The following KCNQ1 variants were observed in gnomAD, a reference collection of about 807,000 sequenced individuals.
KCNQ1 encodes the protein potassium voltage-gated channel subfamily Q member 1.
Under a neutral mutation model 72.4 loss-of-function variants are expected in KCNQ1, and 49 were observed. That is an observed-to-expected ratio of 0.68 (90% CI 0.54 to 0.86). The LOEUF (loss-of-function observed/expected upper bound fraction) is 0.86. KCNQ1 is among the 40% of genes least tolerant of loss of function. The probability of loss-of-function intolerance (pLI) is 0.00; values close to 1 mark genes in which losing one functional copy is unlikely to be tolerated. For missense variants in KCNQ1, 790 were observed against 945.1 expected (o/e 0.84, Z 2.15); for synonymous variants, 450 against 412.6 (o/e 1.09, Z -1.10).
At chr11:2,696,969 A>G (rs1564861545) in intron 11 of KCNQ1, 1 of 393,792 alleles carries the variant, frequency 2.5e-6, no homozygotes, top group Non-Finnish European at 4.5e-6. Context: ...AAGTTCCTTA[A>G]TTTTTTTTTT....
At position 2,621,591 on chromosome 11, in the gene KCNQ1, A is replaced by G; in HGVS notation, c.1393+32737A>G. 5.0e-6 allele frequency: 2 copies of G among 398,310 alleles called. No individual in the cohort carries two copies. The highest frequency in any genetic ancestry group is 4.4e-5 in the Admixed American group (1 of 22,710). The allele number at this position is 398,310 out of a possible 1,614,324, so 24.7% of individuals were successfully genotyped here. ...TGCTATTGGTCTGTTCAGGCTTTCT[A>G]TTCCTGATTTAATCTTAGCAGGTTG... On this transcript the variant is annotated intron_variant, in intron 10 of 15. Coordinates refer to ENST00000155840, the MANE Select transcript of KCNQ1 (RefSeq NM_000218.3). This position sits in a 1 kb window ranked among gnomAD's most constrained non-coding sequence, Gnocchi z 5.7.
At chr11:2,500,787 C>T (rs1261954630) in intron 1 of KCNQ1, among the ~76,000 whole-genome samples, 1 of 149,940 alleles carries the variant, frequency 6.7e-6, no homozygotes, top group African/African-American at 2.5e-5. Context: ...GAAAACCAAA[C>T]ACCACATGTT....
chr11:2,510,057 C>G (rs141172206), intron 1 of KCNQ1, among the ~76,000 whole-genome samples: 1 of 151,936 alleles, frequency 6.6e-6, no homozygotes, highest in Non-Finnish European at 1.5e-5. Flanking sequence ...ATTGCTTGAG[C>G]CTAGGAGTTC....
rs977626438 is a variant in KCNQ1, at chr11:2,677,425, G to A, written c.1514+15344G>A. 10 of 398,474 alleles carry A rather than the reference G, an allele frequency of 2.5e-5. No homozygotes were observed. The highest frequency in any genetic ancestry group is 4.1e-5 in the African/African-American group (2 of 48,632). 24.7% of individuals were successfully genotyped at this position (398,474 alleles called of 1,614,324 possible). On this transcript the variant is annotated intron_variant, in intron 11 of 15. Transcript: ENST00000155840. The surrounding 1 kb of genome is among the most constrained non-coding windows in gnomAD (Gnocchi z 4.5). Reference sequence around the variant, plus strand: ...TAGATAAGCATTTCAGAGGACAGCAGGGGAGATGATAATTGATGCAGGTGG... The same window carrying A: ...TAGATAAGCATTTCAGAGGACAGCAAGGGAGATGATAATTGATGCAGGTGG...
chr11:2,582,253 G>T (rs1228724053), intron 6 of KCNQ1, among the ~76,000 whole-genome samples: 2 of 152,226 alleles, frequency 1.3e-5, no homozygotes, highest in African/African-American at 4.8e-5. Context: ...GTGCACCCCT[G>T]CCCGGGGGTG....
chr11:2,499,117 G>T (rs1846967801), intron 1 of KCNQ1, among the ~76,000 whole-genome samples: 3 of 152,174 alleles, frequency 2.0e-5, no homozygotes, highest in Non-Finnish European at 4.4e-5. Flanking sequence ...AAATCACCCA[G>T]TGTTGATCTC....
chr11:2,610,523 T>TACC (rs1848962826), intron 10 of KCNQ1: 1 of 398,314 alleles, frequency 2.5e-6, no homozygotes, highest in South Asian at 1.3e-4. Context: ...TGCTCCTATT[T>TACC]ACCTCCTTGC....
intron 11 of KCNQ1, chr11:2,681,380 C>G (rs911845155): frequency 5.0e-6 from 2 of 398,404 alleles, no homozygotes; most frequent in African/African-American, 2.1e-5. Flanking sequence ...GAGGATGGCT[C>G]TTGGGGCTGG....
At chr11:2,539,883 G>A (rs915071886) in intron 2 of KCNQ1, among the ~76,000 whole-genome samples, 5 of 152,242 alleles carry the variant, frequency 3.3e-5, no homozygotes, top group South Asian at 2.1e-4. Context: ...CAGGGGAGCC[G>A]GCGGGCCGGG....
intron 11 of KCNQ1, chr11:2,667,215 C>T (rs1850092369): frequency 5.0e-6 from 2 of 398,746 alleles, no homozygotes; most frequent in Non-Finnish European, 8.8e-6. Context: ...GGCCCCCTAA[C>T]CTTTCCAAAC....
chr11:2,634,335 C>A (rs1172177831), intron 10 of KCNQ1: 10 of 262,278 alleles, frequency 3.8e-5, no homozygotes, highest in African/African-American at 1.2e-4. Flanking sequence ...CCTCCCCCCC[C>A]ACCCCACAAC....
chr11:2,480,396 T>C (rs545200700), intron 1 of KCNQ1, among the ~76,000 whole-genome samples: 1 of 152,308 alleles, frequency 6.6e-6, no homozygotes, highest in Non-Finnish European at 1.5e-5. Flanking sequence ...TGGCGGAAGA[T>C]GAAGAAAGAG....
Position 2,564,817 on chromosome 11 carries a change from C to T in KCNQ1, c.478-5811C>T, listed in dbSNP as rs936722796. 9.9e-5 allele frequency among the ~76,000 whole-genome samples: 15 copies of T among 152,182 alleles called. No individual in the cohort carries two copies. Among genetic ancestry groups the T allele is most frequent in the African/African-American group, 3.4e-4 (14 of 41,430 alleles). ...GAATCTGATGACTGTAGCGACCTCA[C>T]GTGAGTGGAAGCAGATAGTATTTGT... On this transcript the variant is annotated intron_variant, in intron 2 of 15. Transcript: ENST00000155840. The surrounding 1 kb of genome is among the most constrained non-coding windows in gnomAD (Gnocchi z 4.5).
Position 2,445,495 on chromosome 11 carries a change from C to T in KCNQ1, c.386+11C>T. 3 of 1,591,432 alleles carry T rather than the reference C, an allele frequency of 1.9e-6. No individual in the cohort carries two copies. The highest frequency in any genetic ancestry group is 1.1e-5 in the South Asian group (1 of 90,042). On this transcript the variant is annotated intron_variant, in intron 1 of 15. Transcript: ENST00000155840. ...TTACCACTTCGCCGTGTGAGTATCG[C>T]CACCGGCGACGGCCGGCACGAAGGT... is the stretch of plus-strand genomic sequence containing the variant.
chr11:2,790,283 G>A (rs1846995965), intron 15 of KCNQ1, among the ~76,000 whole-genome samples: 1 of 152,212 alleles, frequency 6.6e-6, no homozygotes, highest in South Asian at 2.1e-4. Context: ...GACACCAGGA[G>A]CTGGCATTGC....
chr11:2,733,504 G>A (rs1845886929), intron 11 of KCNQ1, among the ~76,000 whole-genome samples: 2 of 152,040 alleles, frequency 1.3e-5, no homozygotes, highest in African/African-American at 4.8e-5. Context: ...CTAGTGAGGG[G>A]GACTCATTCT....
intron 15 of KCNQ1, among the ~76,000 whole-genome samples, chr11:2,793,010 C>T (rs989913395): frequency 3.9e-5 from 6 of 152,036 alleles, no homozygotes; most frequent in African/African-American, 1.4e-4. Context: ...GGCAAGGTGG[C>T]TGCCTGTCTG....
At chr11:2,722,309 C>G (rs1845682910) in intron 11 of KCNQ1, among the ~76,000 whole-genome samples, 1 of 152,096 alleles carries the variant, frequency 6.6e-6, no homozygotes. Context: ...CCAGGGCGGG[C>G]CTCGGGTGCA....
rs1245815721 is a variant in KCNQ1 at position 2,783,871 on chromosome 11, G to GT, written c.1794+5840dup. 2.0e-5 allele frequency among the ~76,000 whole-genome samples: 3 copies of GT among 151,936 alleles called. No individual in the cohort carries two copies. The highest frequency in any genetic ancestry group is 2.9e-5 in the Non-Finnish European group (2 of 67,868). On this transcript the variant is annotated intron_variant, in intron 15 of 15. Coordinates refer to ENST00000155840, the MANE Select transcript of KCNQ1 (RefSeq NM_000218.3). This position sits in a 1 kb window ranked among gnomAD's most constrained non-coding sequence, Gnocchi z 5.2. Reference sequence around the variant, plus strand: ...TCTGTTCTATTATTGAGTTGCAAGGGTTTTTTATATGTTCTGGATACAAGT... The same window carrying GT: ...TCTGTTCTATTATTGAGTTGCAAGGGTTTTTTTATATGTTCTGGATACAAGT...
Sources: allele counts gnomAD v4.1 joint callset (sites outside exome capture counted in the v4.1 genomes callset), GRCh38; gene constraint gnomAD v4.1.1; non-coding constraint Gnocchi (gnomAD v3.1); transcripts MANE v1.5; gene names NCBI Gene and HGNC (gene_info 2026-07-23, HGNC 2026-07-21).